The following BCR variants were observed in gnomAD, a reference collection of about 807,000 sequenced individuals.
The protein encoded by BCR is breakpoint cluster region protein.
A neutral mutation model predicts 138.6 loss-of-function variants in BCR; 58 were observed. The observed-to-expected ratio is 0.42, with a 90% CI of 0.34 to 0.52. BCR has a LOEUF of 0.52. BCR is among the 20% of genes least tolerant of loss of function. The pLI is 0.06. For missense variants in BCR, 1,599 were observed against 1,727.2 expected, an observed-to-expected ratio of 0.93 and a Z score of 1.32; for synonymous variants, 786 against 730.1, an observed-to-expected ratio of 1.08 and a Z score of -1.23.
At position 23,181,743 on chromosome 22, in the gene BCR, C is replaced by A. The variant is rs1029226010; in HGVS notation, c.783C>A (p.Ile261=). The A allele has an allele frequency of 1.2e-6, 2 of 1,604,308 alleles. No homozygotes were observed. Among genetic ancestry groups the A allele is most frequent in the Non-Finnish European group, 1.7e-6 (2 of 1,179,980 alleles). The part of the protein sequence containing the change: ...LNPRFLKDNL[I]DANGGSRPPW... ...CCCGCTTCCTGAAGGACAACCTGATCGACGCCAATGGCGGTAGCAGGCCCC... is the reference window on the plus strand; with the variant it reads ...CCCGCTTCCTGAAGGACAACCTGATAGACGCCAATGGCGGTAGCAGGCCCC... Residue 261 remains isoleucine, a synonymous_variant, in exon 1 of 23, where the codon ATC becomes ATA. Transcript: ENST00000305877.
At chr22:23,290,594 T>G in intron 14 of BCR, 181 bp downstream of exon 14, 1 of 643,994 alleles carries the variant, frequency 1.6e-6, no homozygotes, top group Non-Finnish European at 2.8e-6. Context: ...GGAATTGTTT[T>G]TCCCGGAGTG....
chr22:23,309,313 C>T (rs1325231772), intron 16 of BCR, 111 bp from the exon 17 acceptor site: 12 of 960,830 alleles, frequency 1.2e-5, no homozygotes, highest in South Asian at 7.1e-5. Flanking sequence ...TGGCCGCAGT[C>T]GGGCTCTGCC....
chr22:23,276,890 T>C (rs911688720), intron 8 of BCR, among the ~76,000 whole-genome samples: 9 of 152,230 alleles, frequency 5.9e-5, no homozygotes, highest in Admixed American at 5.2e-4. Context: ...CTTCCCTGGG[T>C]GTCCGTGCTC....
At chr22:23,270,838 C>G (rs1421230842) in intron 5 of BCR, among the ~76,000 whole-genome samples, 3 of 152,238 alleles carry the variant, frequency 2.0e-5, no homozygotes, top group Non-Finnish European at 2.9e-5. Context: ...ACAATTGTAT[C>G]AAAACAGCCT....
rs1361055378 is a variant in BCR, at chr22:23,226,603, C to T, written c.1280-27196C>T. ...AGGGGTTGGCAAATTGCAGCTTAGT[C>T]CTGTCTGCTGCCTGTTTTTGTAAAT... On this transcript the variant is annotated intron_variant, in intron 1 of 22. Coordinates refer to ENST00000305877, the MANE Select transcript of BCR (RefSeq NM_004327.4). Among the ~76,000 whole-genome samples, 3 of 152,194 alleles carry T rather than the reference C, an allele frequency of 2.0e-5. No homozygotes were observed. In the East Asian group the frequency reaches 5.8e-4, roughly 29 times the overall value.
intron 18 of BCR, 150 bp from the exon 19 acceptor site, chr22:23,311,547 C>G (rs1034321330): frequency 1.6e-6 from 1 of 610,914 alleles, no homozygotes; most frequent in African/African-American, 1.8e-5. Flanking sequence ...GGAGGACAGG[C>G]ATGCAGAAGG....
intron 4 of BCR, chr22:23,263,892 T>C: frequency 2.1e-6 from 2 of 964,106 alleles, no homozygotes; most frequent in East Asian, 4.8e-5. Context: ...ATTACTCAGC[T>C]CTTTTGTGAC....
At chr22:23,183,951 G>A (rs1448654307) in intron 1 of BCR, among the ~76,000 whole-genome samples, 1 of 152,198 alleles carries the variant, frequency 6.6e-6, no homozygotes, top group Non-Finnish European at 1.5e-5. Flanking sequence ...GACAGGGCAG[G>A]TCCTCAGGAA....
chr22:23,315,792 G>A lies in BCR; in HGVS notation c.*270G>A. The A allele has an allele frequency of 3.6e-6, 2 of 549,764 alleles. No individual in the cohort carries two copies. Among genetic ancestry groups the A allele is most frequent in the Non-Finnish European group, 3.4e-6 (1 of 297,282 alleles). The allele number at this position is 549,764 out of a possible 1,614,324, so 34.1% of individuals were successfully genotyped here. A position where few individuals can be genotyped will look rare whatever the true frequency, so the allele number is the denominator to read the frequency against. On this transcript the variant is annotated 3_prime_UTR_variant, in exon 23 of 23. Coordinates refer to ENST00000305877, the MANE Select transcript of BCR (RefSeq NM_004327.4). ...CCAGTTCATCTCGGAGTCCAGGCCT[G>A]GCCCTGGGAGACAGGGTGAAGGGAG...
chr22:23,287,452 G>T (rs555380638), intron 11 of BCR, among the ~76,000 whole-genome samples, 174 bp downstream of exon 11: 39 of 152,386 alleles, frequency 2.6e-4, no homozygotes, highest in Non-Finnish European at 4.7e-4. Flanking sequence ...GTAGCCCCCA[G>T]GTTGAGTGGC....
rs764007022 is a variant in BCR at position 23,181,640 on chromosome 22, C to A, written c.680C>A (p.Ser227Tyr). Reference sequence around the variant, plus strand: ...GCGGGCTCGAGCGTGGGGGATGCATCCAGGCCCCCTTACCGGGGACGCTCC... The same window carrying A: ...GCGGGCTCGAGCGTGGGGGATGCATACAGGCCCCCTTACCGGGGACGCTCC... The part of the protein sequence containing the change: ...HGAGSSVGDA[S>Y]RPPYRGRSSE... Residue 227 changes from serine to tyrosine, a missense_variant, in exon 1 of 23, where the codon TCC becomes TAC. Physicochemically the swap from Ser to Tyr is moderately radical, Grantham distance 144. Transcript: ENST00000305877. The A allele has an allele frequency of 6.2e-7, 1 of 1,610,222 alleles. No individual in the cohort carries two copies. Among genetic ancestry groups the A allele is most frequent in the Non-Finnish European group, 8.5e-7 (1 of 1,179,920 alleles).
intron 14 of BCR, 37 bp from the exon 15 acceptor site, chr22:23,292,504 G>T: frequency 6.7e-7 from 1 of 1,490,580 alleles, no homozygotes; most frequent in South Asian, 1.1e-5. Context: ...ATGTGGAAAA[G>T]ACCTGTGACC....
rs757952735 is a variant in BCR at position 23,287,206 on chromosome 22, G to A, written c.2454G>A (p.Leu818=). The change falls in exon 11 of 23, where the codon CTG becomes CTA. Residue 818 remains leucine, a synonymous_variant. Coordinates refer to ENST00000305877, the MANE Select transcript of BCR (RefSeq NM_004327.4). ...CTACGGAGAGGCTGAAGAAGAAGCT[G>A]TCGGAGCAGGAGTCACTGCTGCTGC... The part of the protein sequence containing the change: ...SKATERLKKK[L]SEQESLLLLM... 18 of 1,568,448 alleles carry A rather than the reference G, an allele frequency of 1.1e-5. No homozygotes were observed. The highest frequency in any genetic ancestry group is 3.3e-4 in the Middle Eastern group (2 of 6,034).
At chr22:23,230,350 T>G (rs925257781) in intron 1 of BCR, among the ~76,000 whole-genome samples, 5 of 152,216 alleles carry the variant, frequency 3.3e-5, no homozygotes, top group Non-Finnish European at 5.9e-5. Context: ...TCTCTGTGTG[T>G]GGTGATGTTC....
chr22:23,296,799 C>T (rs1345485925), intron 16 of BCR, among the ~76,000 whole-genome samples: 1 of 152,208 alleles, frequency 6.6e-6, no homozygotes, highest in Admixed American at 6.5e-5. Flanking sequence ...CTAAAAATTG[C>T]TCTCAGCTCT....
At chr22:23,240,302 C>CGTGTGTGTGTGTGT (rs200491524) in intron 1 of BCR, among the ~76,000 whole-genome samples, 132 of 144,110 alleles carry the variant, frequency 9.2e-4, no homozygotes, top group African/African-American at 3.2e-3. Flanking sequence ...CCTGGCTGAT[C>CGTGTGTGTGTGTGT]GTGTGTGTGT....
At chr22:23,294,047 G>T (rs1475606900) in intron 15 of BCR, among the ~76,000 whole-genome samples, 2 of 152,160 alleles carry the variant, frequency 1.3e-5, no homozygotes, top group Non-Finnish European at 2.9e-5. Context: ...CAACCCCAAG[G>T]ATCACTCTTT....
chr22:23,295,598 C>T lies in BCR; in HGVS notation c.3012+443C>T, dbSNP rs978773432. On this transcript the variant is annotated intron_variant, in intron 16 of 22. Coordinates refer to ENST00000305877, the MANE Select transcript of BCR (RefSeq NM_004327.4). ...TGGCATCCCCTATCTGTGGTCTAGACCCAATTTCTAGGGTATAGAGCTGTA... is the reference window on the plus strand; with the variant it reads ...TGGCATCCCCTATCTGTGGTCTAGATCCAATTTCTAGGGTATAGAGCTGTA... Among the ~76,000 whole-genome samples, 6 of 152,074 alleles carry T rather than the reference C, an allele frequency of 3.9e-5. 1 individual carries two copies. Among genetic ancestry groups the T allele is most frequent in the Non-Finnish European group, 8.8e-5 (6 of 68,008 alleles).
At chr22:23,243,538 C>T (rs540466888) in intron 1 of BCR, among the ~76,000 whole-genome samples, 4 of 152,294 alleles carry the variant, frequency 2.6e-5, no homozygotes, top group South Asian at 2.1e-4. Context: ...CCACAATACA[C>T]ACCCTGTTAC....
Sources: allele counts gnomAD v4.1 joint callset (sites outside exome capture counted in the v4.1 genomes callset), GRCh38; gene constraint gnomAD v4.1.1; transcripts MANE v1.5; gene names NCBI Gene and HGNC (gene_info 2026-07-23, HGNC 2026-07-21).